UBE4A: variants seen among roughly 807,000 people sequenced by gnomAD.
The protein encoded by UBE4A is ubiquitination factor E4A, also known as ubiquitin conjugation factor E4 A.
UBE4A carries 48 observed loss-of-function variants against 117.9 expected under a neutral mutation model. The observed-to-expected ratio is 0.41, with a 90% confidence interval of 0.32 to 0.52. The LOEUF (loss-of-function observed/expected upper bound fraction) is 0.52. Ranked by LOEUF, UBE4A falls within the 20% of genes least tolerant of loss-of-function variation. The pLI is 0.33. For synonymous variants in UBE4A, 407 were observed against 450.0 expected (o/e 0.90, Z 1.21); for missense variants, 1,067 against 1,296.3 (o/e 0.82, Z 2.72).
At chr11:118,369,582 A>G (rs770693263) in intron 4 of UBE4A, 47 bp downstream of exon 4, 2 of 1,397,462 alleles carry the variant, frequency 1.4e-6, no homozygotes, top group African/African-American at 1.4e-5. Flanking sequence ...AAAATTAGCT[A>G]TGCGGCTGAA....
chr11:118,398,658 T>C lies in UBE4A; in HGVS notation c.*2218T>C, dbSNP rs1948897399. The C allele has an allele frequency of 6.5e-6, 1 of 153,278 alleles. No homozygotes were observed. Among genetic ancestry groups the C allele is most frequent in the Admixed American group, 6.5e-5 (1 of 15,384 alleles). 9.5% of individuals were successfully genotyped at this position (153,278 alleles called of 1,614,324 possible). A position where few individuals can be genotyped will look rare whatever the true frequency, so the allele number is the denominator to read the frequency against. Reference sequence around the variant, plus strand: ...AGCAGACTTTCTAACATACCTAGTTTTGTGTATTGGCTTTGCTGGAGTATG... The same window carrying C: ...AGCAGACTTTCTAACATACCTAGTTCTGTGTATTGGCTTTGCTGGAGTATG... On this transcript the variant is annotated 3_prime_UTR_variant, in exon 20 of 20. Transcript: ENST00000252108.
chr11:118,382,333 A>G (rs782040149), intron 12 of UBE4A, among the ~76,000 whole-genome samples: 14 of 152,280 alleles, frequency 9.2e-5, no homozygotes, highest in Non-Finnish European at 1.8e-4. Context: ...ATGGCTAAGC[A>G]TTCAATAGAA....
At chr11:118,384,608 T>G in intron 13 of UBE4A, 27 bp from the exon 14 acceptor site, 2 of 1,598,802 alleles carry the variant, frequency 1.3e-6, no homozygotes, top group Non-Finnish European at 1.7e-6. Flanking sequence ...CCGCCTTTGC[T>G]GATATTTCGC....
intron 13 of UBE4A, among the ~76,000 whole-genome samples, chr11:118,383,006 A>G (rs1948720086): frequency 6.8e-6 from 1 of 148,140 alleles, no homozygotes; most frequent in African/African-American, 2.5e-5. Context: ...TTTATTTTTT[A>G]ATTATTCTTG....
intron 9 of UBE4A, among the ~76,000 whole-genome samples, chr11:118,376,175 G>T (rs1555125335): frequency 6.6e-6 from 1 of 151,450 alleles, no homozygotes; most frequent in Non-Finnish European, 1.5e-5. Context: ...GAAATGAAGA[G>T]AAAATAAATG....
At chr11:118,372,854 T>G (rs1446145821) in intron 6 of UBE4A, among the ~76,000 whole-genome samples, 188 bp downstream of exon 6, 1 of 152,022 alleles carries the variant, frequency 6.6e-6, no homozygotes, top group Non-Finnish European at 1.5e-5. Context: ...ACCCCTGTAG[T>G]CCCATCTACT....
At position 118,385,468 on chromosome 11, in the gene UBE4A, C is replaced by T. The variant is rs568424813; in HGVS notation, c.2412+523C>T. 3.3e-5 allele frequency among the ~76,000 whole-genome samples: 5 copies of T among 152,300 alleles called. No homozygotes were observed. In the South Asian group the frequency reaches 8.3e-4, roughly 25 times the overall value. On this transcript the variant is annotated intron_variant, in intron 15 of 19. Transcript: ENST00000252108. ...GTTGTCAATACTTCTCATATTTCCA[C>T]TGCCTTCTAAATTCTTAGCTATATG...
At chr11:118,380,130 T>C (rs200891047) in intron 11 of UBE4A, among the ~76,000 whole-genome samples, 18 of 67,834 alleles carry the variant, frequency 2.7e-4, no homozygotes, top group African/African-American at 7.4e-4. Context: ...TGTGTGTGTG[T>C]GTGCGTGTGT....
Position 118,384,891 on chromosome 11 carries a change from C to T in UBE4A, c.2358C>T (p.Arg786=). Residue 786 remains arginine (R), a synonymous_variant, in exon 15 of 20, where the codon CGC becomes CGT. Transcript: ENST00000252108. ...CCATGAATCCCCCACTTTTCCTCCG[C>T]TTTCTTAACCTGCTAATGAATGATG... The part of the protein sequence containing the change: ...LEAMNPPLFL[R]FLNLLMNDAI... The T allele has an allele frequency of 6.2e-7, 1 of 1,611,366 alleles. No individual in the cohort carries two copies. The highest frequency in any genetic ancestry group is 8.5e-7 in the Non-Finnish European group (1 of 1,179,644).
intron 19 of UBE4A, among the ~76,000 whole-genome samples, chr11:118,393,232 C>G (rs953202012): frequency 6.6e-6 from 1 of 152,026 alleles, no homozygotes; most frequent in Admixed American, 6.5e-5. Context: ...GCCTGGCCAA[C>G]ATGGTAAAAC....
At chr11:118,396,240 A>G (rs1591312249) in intron 19 of UBE4A, 74 bp from the exon 20 acceptor site, 2 of 1,538,806 alleles carry the variant, frequency 1.3e-6, no homozygotes, top group African/African-American at 1.4e-5. Context: ...TGCGACGCCC[A>G]GGTGTTCTGT....
At chr11:118,373,376 A>G (rs1948625263) in intron 7 of UBE4A, 88 bp downstream of exon 7, 1 of 1,530,700 alleles carries the variant, frequency 6.5e-7, no homozygotes, top group Non-Finnish European at 8.8e-7. Context: ...AATACTACCT[A>G]TAAAATAAGA....
intron 4 of UBE4A, 136 bp downstream of exon 4, chr11:118,369,671 T>A: frequency 1.6e-6 from 1 of 618,434 alleles, no homozygotes. Flanking sequence ...TTTTTACCAG[T>A]AGAAGGCCAA....
chr11:118,376,790 C>CT, intron 10 of UBE4A, 96 bp downstream of exon 10: 1 of 1,418,608 alleles, frequency 7.0e-7, no homozygotes, highest in South Asian at 1.5e-5. Flanking sequence ...TAGCTCACAT[C>CT]TTTAATCTCA....
intron 19 of UBE4A, among the ~76,000 whole-genome samples, chr11:118,394,998 T>C (rs2032402919): frequency 6.6e-6 from 1 of 152,014 alleles, no homozygotes. Flanking sequence ...GTGGTATACT[T>C]TGACCCAAAG....
At chr11:118,363,606 CTTTTTTTTT>C (rs199847839) in intron 1 of UBE4A, among the ~76,000 whole-genome samples, 4 of 122,848 alleles carry the variant, frequency 3.3e-5, no homozygotes, top group Non-Finnish European at 5.1e-5. Context: ...ACCACATTAG[CTTTTTTTTT>C]TTTTTTTTTT....
At chr11:118,373,834 T>C (rs1322091111) in intron 8 of UBE4A, 149 bp downstream of exon 8, 3 of 1,028,114 alleles carry the variant, frequency 2.9e-6, no homozygotes, top group Non-Finnish European at 4.0e-6. Flanking sequence ...AAACTGGGCA[T>C]GGTAGCTCAA....
Position 118,372,495 on chromosome 11 carries a change from T to C in UBE4A, c.562-12T>C. The C allele has an allele frequency of 6.3e-7, 1 of 1,598,360 alleles. No individual in the cohort carries two copies. Among genetic ancestry groups the C allele is most frequent in the Non-Finnish European group, 8.5e-7 (1 of 1,175,232 alleles). On this transcript the variant is annotated splice_polypyrimidine_tract_variant and intron_variant, in intron 5 of 19. Transcript: ENST00000252108. ...GTTAGACTATTCCCTCTTTTCTTCATGCTGTTTGCAGATTACCAAAGTTCC... is the reference window on the plus strand; with the variant it reads ...GTTAGACTATTCCCTCTTTTCTTCACGCTGTTTGCAGATTACCAAAGTTCC...
chr11:118,369,530 G>T lies in UBE4A; in HGVS notation c.403G>T (p.Glu135Ter). The T allele has an allele frequency of 1.2e-6, 2 of 1,613,476 alleles. No homozygotes were observed. The highest frequency in any genetic ancestry group is 2.2e-5 in the South Asian group (2 of 91,032). ...DQDWLDMSNV[E>*]QALFARLLLQ... is the part of the protein sequence containing the mutation. ...AGACTGGCTTGATATGAGCAATGTT[G>T]AGCAGGTAATATTCTTACGTTCCTA... Residue 135 changes from glutamate (E) to a stop codon, truncating the protein, a stop_gained, in exon 4 of 20, where the codon GAG (glutamate) becomes TAG (stop). Transcript: ENST00000252108. LOFTEE classifies it high-confidence loss of function.
Sources: allele counts gnomAD v4.1 joint callset (sites outside exome capture counted in the v4.1 genomes callset), GRCh38; gene constraint gnomAD v4.1.1; transcripts MANE v1.5; gene names NCBI Gene and HGNC (gene_info 2026-07-23, HGNC 2026-07-21).